HNF1B: variants seen among roughly 807,000 people sequenced by gnomAD.
HNF1B encodes the protein HNF1 homeobox B, also known as hepatocyte nuclear factor 1-beta.
A neutral mutation model predicts 61.7 loss-of-function variants in HNF1B; 8 were observed. The observed-to-expected ratio is 0.13, with a 90% confidence interval of 0.08 to 0.23. The LOEUF (loss-of-function observed/expected upper bound fraction) is 0.23. Ranked by LOEUF, HNF1B falls within the 10% of genes least tolerant of loss-of-function variation. The probability of loss-of-function intolerance (pLI) is 1.00; values close to 1 mark genes in which losing one functional copy is unlikely to be tolerated. For synonymous variants in HNF1B, 314 were observed against 287.7 expected (o/e 1.09, Z -0.93); for missense variants, 562 against 714.5 (o/e 0.79, Z 2.43).
intron 4 of HNF1B, 29 bp from the exon 5 acceptor site, chr17:37,710,692 A>T: frequency 6.2e-7 from 1 of 1,605,174 alleles, no homozygotes; most frequent in Non-Finnish European, 8.5e-7. Context: ...CCAGTAGGGA[A>T]CATTAGTGCC....
intron 1 of HNF1B, among the ~76,000 whole-genome samples, chr17:37,744,277 G>GCCCAGC (rs1156606537): frequency 3.3e-5 from 5 of 152,334 alleles, no homozygotes; most frequent in East Asian, 1.9e-4. Context: ...GTTCTCCCCG[G>GCCCAGC]CCCAGCCCCA....
At chr17:37,696,455 T>A (rs1261065123) in intron 8 of HNF1B, among the ~76,000 whole-genome samples, 2 of 151,874 alleles carry the variant, frequency 1.3e-5, no homozygotes, top group Non-Finnish European at 2.9e-5. Flanking sequence ...AAAATATAAA[T>A]AAATAAATAA....
intron 4 of HNF1B, among the ~76,000 whole-genome samples, chr17:37,726,502 T>C (rs1412651300): frequency 6.6e-6 from 1 of 152,138 alleles, no homozygotes; most frequent in East Asian, 1.9e-4. Context: ...ACTGGACACT[T>C]TGGAGATTTC....
chr17:37,688,827 C>T (rs1209496848), intron 8 of HNF1B, among the ~76,000 whole-genome samples: 1 of 152,112 alleles, frequency 6.6e-6, no homozygotes, highest in Non-Finnish European at 1.5e-5. Flanking sequence ...CGGCCCAAGC[C>T]CCTGCTGCTC....
At chr17:37,692,393 A>C (rs1361734638) in intron 8 of HNF1B, among the ~76,000 whole-genome samples, 1 of 152,270 alleles carries the variant, frequency 6.6e-6, no homozygotes, top group Non-Finnish European at 1.5e-5. Flanking sequence ...TGAGAAAGCC[A>C]GTCTGGAAGT....
chr17:37,687,188 G>T lies in HNF1B; in HGVS notation c.*184C>A. 1.1e-6 allele frequency: 1 copy of T among 890,196 alleles called. No individual in the cohort carries two copies. Among genetic ancestry groups the T allele is most frequent in the Non-Finnish European group, 1.8e-6 (1 of 555,974 alleles). The allele number at this position is 890,196 out of a possible 1,614,324, so 55.1% of individuals were successfully genotyped here. ...CAATACTGCATAGAAGGGAAACTGG[G>T]CTTCGGGCTGCGCCTCCTGAGAGTG... is the stretch of plus-strand genomic sequence containing the variant. On this transcript the variant is annotated 3_prime_UTR_variant, in exon 9 of 9. Transcript: ENST00000617811.
Position 37,733,868 on chromosome 17 carries a change from CAGCA to C in HNF1B, c.545-51_545-48del. 1.3e-6 allele frequency: 2 copies of C among 1,584,040 alleles called. 1 individual carries two copies. Among genetic ancestry groups the C allele is most frequent in the South Asian group, 2.2e-5 (2 of 90,386 alleles). On this transcript the variant is annotated intron_variant, in intron 2 of 8. Coordinates refer to ENST00000617811, the MANE Select transcript of HNF1B (RefSeq NM_000458.4). Reference sequence around the variant, plus strand: ...TTTGATAGGGTCTGTAGCCTTCACTCAGCAGACAGACAGACAGACAGACAGACAA... The same window carrying C: ...TTTGATAGGGTCTGTAGCCTTCACTCGACAGACAGACAGACAGACAGACAA...
intron 1 of HNF1B, among the ~76,000 whole-genome samples, chr17:37,742,796 C>T (rs1223809185): frequency 4.6e-5 from 7 of 151,218 alleles, no homozygotes; most frequent in Non-Finnish European, 8.9e-5. Context: ...GCGGGCGGCT[C>T]GGGCGCTCAC....
chr17:37,689,518 G>A (rs1381739722), intron 8 of HNF1B, among the ~76,000 whole-genome samples: 1 of 152,180 alleles, frequency 6.6e-6, no homozygotes, highest in Non-Finnish European at 1.5e-5. Context: ...CCAAAATGTT[G>A]TCAAAAGAAC....
chr17:37,697,613 G>C (rs527616582), intron 8 of HNF1B, among the ~76,000 whole-genome samples: 177 of 152,336 alleles, frequency 1.2e-3, no homozygotes, highest in Non-Finnish European at 2.0e-3. Flanking sequence ...CAAAGGGGAA[G>C]GTATTCCCAA....
chr17:37,710,351 G>T, intron 5 of HNF1B, 152 bp downstream of exon 5: 1 of 993,708 alleles, frequency 1.0e-6, no homozygotes, highest in Non-Finnish European at 1.6e-6. Flanking sequence ...TGGGTCACCA[G>T]CACTACCTCT....
chr17:37,701,248 G>T, intron 6 of HNF1B, 71 bp from the exon 7 acceptor site: 5 of 1,436,048 alleles, frequency 3.5e-6, no homozygotes, highest in Non-Finnish European at 4.8e-6. Flanking sequence ...GCCATCATTT[G>T]AGCCCCCGCT....
At chr17:37,731,337 A>T in intron 4 of HNF1B, 1 of 609,614 alleles carries the variant, frequency 1.6e-6, no homozygotes, top group Middle Eastern at 3.4e-4. Context: ...GGAGAAGAAG[A>T]GGGAAGGAGA....
At chr17:37,699,000 G>A in intron 8 of HNF1B, 76 bp downstream of exon 8, 1 of 1,076,042 alleles carries the variant, frequency 9.3e-7, no homozygotes, top group Non-Finnish European at 1.4e-6. Context: ...GTCCATGCTT[G>A]CCACAACCTC....
At position 37,733,494 on chromosome 17, in the gene HNF1B, A is replaced by G. The variant is rs114017141; in HGVS notation, c.809+63T>C. ...CTAGTGTCTCAATATCCCAGGACCG[A>G]GGGGAGGGTTCCTGGGTCTGTGTAC... On this transcript the variant is annotated intron_variant, in intron 3 of 8. Coordinates refer to ENST00000617811, the MANE Select transcript of HNF1B (RefSeq NM_000458.4). The G allele has an allele frequency of 1.9e-3, 3,023 of 1,584,376 alleles. 56 individuals carry two copies. The African/African-American group carries it at 0.037, about 20-fold the overall frequency.
intron 5 of HNF1B, among the ~76,000 whole-genome samples, chr17:37,706,676 T>TAAA (rs35797632): frequency 1.2e-3 from 160 of 131,126 alleles, no homozygotes; most frequent in East Asian, 2.0e-3. Flanking sequence ...TACCAGTCAT[T>TAAA]AAAAAAAAAA....
At chr17:37,709,524 G>A (rs143821349) in intron 5 of HNF1B, among the ~76,000 whole-genome samples, 1 of 152,164 alleles carries the variant, frequency 6.6e-6, no homozygotes, top group Non-Finnish European at 1.5e-5. Context: ...CCCAAGTGCT[G>A]GAATTACAGG....
intron 4 of HNF1B, among the ~76,000 whole-genome samples, chr17:37,718,613 A>C (rs533449920): frequency 6.6e-6 from 1 of 152,274 alleles, no homozygotes; most frequent in African/African-American, 2.4e-5. Context: ...CTAAGCCCCA[A>C]ATGGGCTCCA....
At chr17:37,726,029 A>G (rs1487195172) in intron 4 of HNF1B, among the ~76,000 whole-genome samples, 1 of 152,154 alleles carries the variant, frequency 6.6e-6, no homozygotes, top group Non-Finnish European at 1.5e-5. Context: ...AACTACCCAG[A>G]ATGGGAGACT....
Sources: allele counts gnomAD v4.1 joint callset (sites outside exome capture counted in the v4.1 genomes callset), GRCh38; gene constraint gnomAD v4.1.1; transcripts MANE v1.5; gene names NCBI Gene and HGNC (gene_info 2026-07-23, HGNC 2026-07-21).